The following HS6ST3 variants were observed in gnomAD, a reference collection of about 807,000 sequenced individuals.
HS6ST3 encodes the protein heparan-sulfate 6-O-sulfotransferase 3.
HS6ST3 carries 12 observed loss-of-function variants against 36.7 expected under a neutral mutation model. The ratio of observed to expected loss-of-function variants is 0.33; its 90% CI spans 0.21 to 0.53. HS6ST3 has a LOEUF of 0.53. Ranked by LOEUF, HS6ST3 falls within the 20% of genes least tolerant of loss-of-function variation. The pLI is 0.95. For synonymous variants in HS6ST3, 240 were observed against 257.5 expected (o/e 0.93, Z 0.65); for missense variants, 584 against 640.9 (o/e 0.91, Z 0.96).
Position 96,225,655 on chromosome 13 carries a change from AT to A in HS6ST3, c.707+134090del, listed in dbSNP as rs142235929. ...TTTATTTTAATAACTTTACTTTTCT[AT>A]TTTAATAAATGATACATTTACAAAT... is the stretch of plus-strand genomic sequence containing the variant. On this transcript the variant is annotated intron_variant, in intron 1 of 1. Transcript: ENST00000376705. Among the ~76,000 whole-genome samples the A allele has an allele frequency of 6.1e-3, 931 of 152,302 alleles. 23 individuals are homozygous for A. In the East Asian group the frequency reaches 0.079, roughly 13 times the overall value.
chr13:96,583,620 G>A (rs1299851837), intron 1 of HS6ST3, among the ~76,000 whole-genome samples: 1 of 152,048 alleles, frequency 6.6e-6, no homozygotes, highest in Non-Finnish European at 1.5e-5. Context: ...CACCATACTG[G>A]TTAAGTTTAG....
rs4771932 is a variant in HS6ST3 at position 96,298,288 on chromosome 13, G to T, written c.707+206719G>T. On this transcript the variant is annotated intron_variant, in intron 1 of 1. Transcript: ENST00000376705. Reference sequence around the variant, plus strand: ...TTTCAAATTAAGTAAACAGAGATGCGTATGCACTCAGATAAGCATGGTTTG... The same window carrying T: ...TTTCAAATTAAGTAAACAGAGATGCTTATGCACTCAGATAAGCATGGTTTG... Among the ~76,000 whole-genome samples the T allele has an allele frequency of 5.9e-5, 9 of 152,104 alleles. No homozygotes were observed. The South Asian group carries it at 6.2e-4, about 11-fold the overall frequency.
chr13:96,780,477 T>C lies in HS6ST3; in HGVS notation c.708-52013T>C, dbSNP rs1020848792. On this transcript the variant is annotated intron_variant, in intron 1 of 1. Transcript: ENST00000376705. The stretch of plus-strand genomic sequence containing the variant: ...TTTCCCTAACATTTTCCCTATTTCC[T>C]CCCTTAATCTAGTGCTATAGTTCTT... Among the ~76,000 whole-genome samples, 4 of 152,166 alleles carry C rather than the reference T, an allele frequency of 2.6e-5. No individual in the cohort carries two copies. In the East Asian group the frequency reaches 7.7e-4, roughly 29 times the overall value.
At chr13:96,777,865 A>T (rs1877428274) in intron 1 of HS6ST3, among the ~76,000 whole-genome samples, 1 of 152,226 alleles carries the variant, frequency 6.6e-6, no homozygotes, top group Non-Finnish European at 1.5e-5. Context: ...CGTATAGCCA[A>T]GACAATCCTA....
intron 1 of HS6ST3, among the ~76,000 whole-genome samples, chr13:96,503,991 C>G (rs1481532254): frequency 6.6e-6 from 1 of 152,132 alleles, no homozygotes; most frequent in East Asian, 1.9e-4. Flanking sequence ...GAAGCAAGCT[C>G]TCTCCTGTTT....
intron 1 of HS6ST3, among the ~76,000 whole-genome samples, chr13:96,221,736 A>G (rs1461202649): frequency 6.6e-6 from 1 of 152,174 alleles, no homozygotes; most frequent in Non-Finnish European, 1.5e-5. Flanking sequence ...CTATTGACAC[A>G]TAACCCCTGG....
At chr13:96,348,216 A>G (rs2055165166) in intron 1 of HS6ST3, among the ~76,000 whole-genome samples, 1 of 152,238 alleles carries the variant, frequency 6.6e-6, no homozygotes, top group Non-Finnish European at 1.5e-5. Flanking sequence ...CAAGGATGTC[A>G]ACTGAAAGAA....
chr13:96,312,520 GTCA>G (rs1447058750), intron 1 of HS6ST3, among the ~76,000 whole-genome samples: 2 of 151,880 alleles, frequency 1.3e-5, no homozygotes, highest in Non-Finnish European at 2.9e-5. Flanking sequence ...ATTGTTCTCT[GTCA>G]TCAGTTGGTT....
At chr13:96,297,767 G>A (rs2054862201) in intron 1 of HS6ST3, among the ~76,000 whole-genome samples, 1 of 152,080 alleles carries the variant, frequency 6.6e-6, no homozygotes, top group Non-Finnish European at 1.5e-5. Context: ...GTCCTCATCT[G>A]CACTCCTATA....
In HS6ST3 at chr13:96,657,680, C is replaced by T. The variant is rs146867665; in HGVS notation, c.708-174810C>T. On this transcript the variant is annotated intron_variant, in intron 1 of 1. Coordinates refer to ENST00000376705, the MANE Select transcript of HS6ST3 (RefSeq NM_153456.4). ...AAGAGCTTTTGTAAAGAATCCTTGA[C>T]GGTGGACATGCTAATACCAGAAATA... Among the ~76,000 whole-genome samples, 73 of 152,208 alleles carry T rather than the reference C, an allele frequency of 4.8e-4. No homozygotes were observed. The East Asian group carries it at 0.011, about 23-fold the overall frequency.
chr13:96,636,767 T>G (rs898579097), intron 1 of HS6ST3, among the ~76,000 whole-genome samples: 1 of 152,140 alleles, frequency 6.6e-6, no homozygotes, highest in African/African-American at 2.4e-5. Flanking sequence ...GCAGTGGCAT[T>G]TGGAAAATTG....
intron 1 of HS6ST3, among the ~76,000 whole-genome samples, chr13:96,349,319 T>G (rs143763919): frequency 7.2e-4 from 110 of 152,310 alleles, no homozygotes; most frequent in African/African-American, 2.0e-3. Context: ...GTATTTTTTT[T>G]TGTGTGTTTG....
At chr13:96,510,966 A>G (rs923124709) in intron 1 of HS6ST3, among the ~76,000 whole-genome samples, 9 of 152,054 alleles carry the variant, frequency 5.9e-5, no homozygotes, top group Admixed American at 6.6e-5. Context: ...TGTATCATCA[A>G]GTTTGTTGCT....
chr13:96,694,400 T>C (rs913639793), intron 1 of HS6ST3, among the ~76,000 whole-genome samples: 1 of 152,200 alleles, frequency 6.6e-6, no homozygotes, highest in African/African-American at 2.4e-5. Context: ...ACATTTTCTT[T>C]ATCCAGTCTG....
At chr13:96,117,785 A>G (rs1345668455) in intron 1 of HS6ST3, among the ~76,000 whole-genome samples, 2 of 152,186 alleles carry the variant, frequency 1.3e-5, no homozygotes, top group African/African-American at 4.8e-5. Context: ...ATCTGTGCCT[A>G]ACAGGGACAT....
At chr13:96,655,741 C>A (rs2139015585) in intron 1 of HS6ST3, among the ~76,000 whole-genome samples, 1 of 152,080 alleles carries the variant, frequency 6.6e-6, no homozygotes, top group Middle Eastern at 3.4e-3. Context: ...CCATACTAAC[C>A]AGATACATAT....
chr13:96,339,724 A>AC (rs1207963072), intron 1 of HS6ST3, among the ~76,000 whole-genome samples: 1 of 152,132 alleles, frequency 6.6e-6, no homozygotes, highest in African/African-American at 2.4e-5. Context: ...TCCCCAGACC[A>AC]CCCCCATCAA....
At chr13:96,550,456 T>G (rs2056215537) in intron 1 of HS6ST3, among the ~76,000 whole-genome samples, 1 of 152,146 alleles carries the variant, frequency 6.6e-6, no homozygotes, top group African/African-American at 2.4e-5. Context: ...AGGTTTTTCC[T>G]TATAAATTAC....
chr13:96,656,789 C>A (rs997636954), intron 1 of HS6ST3, among the ~76,000 whole-genome samples: 11 of 152,120 alleles, frequency 7.2e-5, no homozygotes, highest in African/African-American at 2.7e-4. Context: ...AAGCTTTAGG[C>A]AAGTTCTAAA....
Sources: allele counts gnomAD v4.1 joint callset (sites outside exome capture counted in the v4.1 genomes callset), GRCh38; gene constraint gnomAD v4.1.1; transcripts MANE v1.5; gene names NCBI Gene and HGNC (gene_info 2026-07-23, HGNC 2026-07-21).